The following SHROOM3 variants were observed in gnomAD, a reference collection of about 807,000 sequenced individuals.
The protein encoded by SHROOM3 is protein Shroom3.
In SHROOM3, 47 loss-of-function variants were observed where a neutral mutation model predicts 138.6. That is an observed-to-expected ratio of 0.34 (90% CI 0.27 to 0.43). SHROOM3 has a LOEUF of 0.43. Ranked by LOEUF, SHROOM3 falls within the 20% of genes least tolerant of loss-of-function variation. The pLI is 1.00. For missense variants in SHROOM3, 2,491 were observed against 2,596.5 expected, an observed-to-expected ratio of 0.96 and a Z score of 0.88; for synonymous variants, 1,062 against 1,063.3, an observed-to-expected ratio of 1.00 and a Z score of 0.02.
In SHROOM3 at chr4:76,512,024, C is replaced by T. The variant is rs773465526; in HGVS notation, c.169-43585C>T. Among the ~76,000 whole-genome samples, 13 of 152,174 alleles carry T rather than the reference C, an allele frequency of 8.5e-5. No individual in the cohort carries two copies. The South Asian group carries it at 1.2e-3, about 15-fold the overall frequency. On this transcript the variant is annotated intron_variant, in intron 1 of 10. Transcript: ENST00000296043. ...AGGAGAATATTTTCAACCTGAGGTCCGAGGGAGTGGGCCTGAGGCCTAAAT... is the reference window on the plus strand; with the variant it reads ...AGGAGAATATTTTCAACCTGAGGTCTGAGGGAGTGGGCCTGAGGCCTAAAT...
At chr4:76,693,113 A>T (rs1026155744) in intron 2 of SHROOM3, among the ~76,000 whole-genome samples, 24 of 152,246 alleles carry the variant, frequency 1.6e-4, no homozygotes, top group African/African-American at 5.5e-4. Flanking sequence ...GCTGCAAGAC[A>T]TTGGACAATA....
At chr4:76,735,854 AAAAAAAAAAAAAAAAT>A (rs1234748765) in intron 4 of SHROOM3, among the ~76,000 whole-genome samples, 6 of 56,726 alleles carry the variant, frequency 1.1e-4, no homozygotes, top group Admixed American at 4.2e-4. Flanking sequence ...AAAAAAAAAA[AAAAAAAAAAAAAAAAT>A]ATATATATAT....
chr4:76,770,553 C>A, intron 9 of SHROOM3, 73 bp from the exon 10 acceptor site: 1 of 1,575,914 alleles, frequency 6.3e-7, no homozygotes, highest in Non-Finnish European at 8.6e-7. Context: ...CAGAAGGTGG[C>A]TGGGGGAGGT....
chr4:76,665,148 G>GT (rs934667629), intron 2 of SHROOM3, among the ~76,000 whole-genome samples: 5 of 152,242 alleles, frequency 3.3e-5, no homozygotes, highest in East Asian at 3.9e-4. Context: ...GGTAGGATGG[G>GT]TTTTTTGTGT....
intron 2 of SHROOM3, chr4:76,586,422 A>G (rs1036203166): frequency 1.4e-5 from 14 of 985,386 alleles, no homozygotes; most frequent in Middle Eastern, 1.0e-3. Flanking sequence ...GAAATGACCA[A>G]CAGATAACTG....
At chr4:76,726,428 C>T (rs1395683726) in intron 3 of SHROOM3, among the ~76,000 whole-genome samples, 1 of 151,522 alleles carries the variant, frequency 6.6e-6, no homozygotes, top group African/African-American at 2.4e-5. Context: ...GCCCTCAGTC[C>T]TCTAGTCCTT....
chr4:76,490,188 G>T (rs1731820375), intron 1 of SHROOM3, among the ~76,000 whole-genome samples: 2 of 152,160 alleles, frequency 1.3e-5, no homozygotes, highest in Non-Finnish European at 2.9e-5. Flanking sequence ...ACCAATCAGA[G>T]GCTAGAGTGA....
At chr4:76,719,816 T>C (rs893691249) in intron 3 of SHROOM3, among the ~76,000 whole-genome samples, 1 of 152,072 alleles carries the variant, frequency 6.6e-6, no homozygotes, top group South Asian at 2.1e-4. Context: ...AGATAACTAG[T>C]AGTGAAGGGG....
At chr4:76,599,654 T>C (rs1209544102) in intron 2 of SHROOM3, among the ~76,000 whole-genome samples, 1 of 152,230 alleles carries the variant, frequency 6.6e-6, no homozygotes, top group African/African-American at 2.4e-5. Context: ...GGTCCTGGGT[T>C]TGAATTCCTA....
intron 2 of SHROOM3, among the ~76,000 whole-genome samples, chr4:76,568,089 A>G (rs1733765418): frequency 6.6e-6 from 1 of 152,082 alleles, no homozygotes; most frequent in African/African-American, 2.4e-5. Context: ...ATACTAGAAT[A>G]TAAGTTCTTC....
intron 1 of SHROOM3, among the ~76,000 whole-genome samples, chr4:76,517,845 G>C (rs1732474608): frequency 6.6e-6 from 1 of 152,128 alleles, no homozygotes. Context: ...AAGCTTCCCA[G>C]CCATTCCCCG....
intron 2 of SHROOM3, among the ~76,000 whole-genome samples, chr4:76,591,202 C>T (rs1734266417): frequency 6.6e-6 from 1 of 152,178 alleles, no homozygotes; most frequent in African/African-American, 2.4e-5. Flanking sequence ...CGCATTGTAC[C>T]CCTTACCAGG....
chr4:76,695,468 T>G (rs1019573473), intron 2 of SHROOM3, among the ~76,000 whole-genome samples: 3 of 152,212 alleles, frequency 2.0e-5, no homozygotes, highest in Admixed American at 1.3e-4. Flanking sequence ...AGAAGAAAAG[T>G]CTACCATTGA....
chr4:76,573,381 CAATAATAATAAT>C (rs6148528), intron 2 of SHROOM3, among the ~76,000 whole-genome samples: 7,957 of 140,996 alleles, frequency 0.056, 252 homozygotes, highest in Non-Finnish European at 0.068. Context: ...TGCTGGTTGG[CAATAATAATAAT>C]AATAATAATA....
rs148228845 is a variant in SHROOM3, at chr4:76,638,249, T to C, written c.324-71907T>C. ...GTTGATTAGTGTTAGCTATTTCCAA[T>C]GCATGGGTTGCCTCTGACATAAGTA... On this transcript the variant is annotated intron_variant, in intron 2 of 10. Transcript: ENST00000296043. Among the ~76,000 whole-genome samples, 368 of 152,352 alleles carry C rather than the reference T, an allele frequency of 2.4e-3. 1 individual carries two copies. The highest frequency in any genetic ancestry group is 3.7e-3 in the Non-Finnish European group (251 of 68,034).
chr4:76,459,877 A>G (rs1440549002), intron 1 of SHROOM3, among the ~76,000 whole-genome samples: 1 of 151,998 alleles, frequency 6.6e-6, no homozygotes. Flanking sequence ...TGGCCTTACA[A>G]CCTTGCTACT....
At chr4:76,586,136 C>G in intron 2 of SHROOM3, 1 of 549,508 alleles carries the variant, frequency 1.8e-6, no homozygotes, top group Non-Finnish European at 2.3e-6. Flanking sequence ...GTGGACTTCC[C>G]CTTACATCAG....
At chr4:76,657,623 C>T (rs1736093796) in intron 2 of SHROOM3, among the ~76,000 whole-genome samples, 1 of 152,160 alleles carries the variant, frequency 6.6e-6, no homozygotes, top group Admixed American at 6.5e-5. Flanking sequence ...GAGGGTGCTG[C>T]TGTTTGGGGG....
At chr4:76,750,678 GA>G (rs1275111420) in intron 6 of SHROOM3, among the ~76,000 whole-genome samples, 1 of 151,942 alleles carries the variant, frequency 6.6e-6, no homozygotes, top group Non-Finnish European at 1.5e-5. Flanking sequence ...ACTTGGAAAG[GA>G]AAAAAATAAT....
Sources: gnomAD v4.1 joint callset for allele counts (sites outside exome capture counted in the v4.1 genomes callset) on GRCh38, gnomAD v4.1.1 for gene constraint, MANE v1.5 for transcripts, NCBI Gene and HGNC (gene_info 2026-07-23, HGNC 2026-07-21) for gene names.